Variants in CAP2 observed in about 807,000 individuals in gnomAD.
CAP2 encodes adenylyl cyclase-associated protein 2.
Under a neutral mutation model 57.7 loss-of-function variants are expected in CAP2, and 24 were observed. The ratio of observed to expected loss-of-function variants is 0.42; its 90% CI spans 0.30 to 0.58. The LOEUF (loss-of-function observed/expected upper bound fraction) is 0.58, where lower values mean the gene tolerates loss of function less well. Ranked by LOEUF, CAP2 falls within the 20% of genes least tolerant of loss-of-function variation. The pLI, the probability that CAP2 is intolerant of heterozygous loss-of-function variation, is 0.22. For missense variants in CAP2, 501 were observed against 590.3 expected (o/e 0.85, Z 1.57); for synonymous variants, 194 against 207.2 (o/e 0.94, Z 0.55).
chr6:17,397,923 G>GA (rs1758712597), intron 1 of CAP2, among the ~76,000 whole-genome samples: 2 of 147,900 alleles, frequency 1.4e-5, no homozygotes, highest in African/African-American at 5.0e-5. Flanking sequence ...TATTTTAATG[G>GA]GAAAAAAAAA....
chr6:17,536,451 C>A (rs1348681240), intron 7 of CAP2: 1 of 322,864 alleles, frequency 3.1e-6, no homozygotes, highest in Non-Finnish European at 6.1e-6. Flanking sequence ...AGGATTAGAC[C>A]AAGATGGAGT....
At chr6:17,493,860 G>T (rs376582067) in intron 4 of CAP2, among the ~76,000 whole-genome samples, 1 of 151,850 alleles carries the variant, frequency 6.6e-6, no homozygotes, top group East Asian at 1.9e-4. Context: ...CTGGTTGAGG[G>T]CAGCCGAAAC....
chr6:17,462,877 G>C (rs1760762659), intron 3 of CAP2, 119 bp from the exon 4 acceptor site: 3 of 721,122 alleles, frequency 4.2e-6, no homozygotes, highest in Non-Finnish European at 7.3e-6. Context: ...ACAAGTTTTT[G>C]TGTGAAGATA....
chr6:17,470,203 T>C (rs1018164966), intron 4 of CAP2, among the ~76,000 whole-genome samples: 1 of 152,226 alleles, frequency 6.6e-6, no homozygotes, highest in Non-Finnish European at 1.5e-5. Context: ...GAGAATTAAC[T>C]TGGTAATCCA....
intron 11 of CAP2, among the ~76,000 whole-genome samples, chr6:17,543,538 G>A (rs531395061): frequency 3.4e-4 from 51 of 150,762 alleles, no homozygotes; most frequent in Admixed American, 1.3e-3. Flanking sequence ...GGAGAATGGC[G>A]TGAACCCAGG....
At chr6:17,511,086 G>A (rs1445789202) in intron 6 of CAP2, among the ~76,000 whole-genome samples, 1 of 152,200 alleles carries the variant, frequency 6.6e-6, no homozygotes, top group Non-Finnish European at 1.5e-5. Flanking sequence ...AGATGACTCA[G>A]TTAAGCTCAG....
At chr6:17,395,049 G>A (rs1758634168) in intron 1 of CAP2, among the ~76,000 whole-genome samples, 1 of 152,174 alleles carries the variant, frequency 6.6e-6, no homozygotes, top group African/African-American at 2.4e-5. Flanking sequence ...CAATCAAAGT[G>A]TCATATAAAT....
chr6:17,557,265 G>A lies in CAP2; in HGVS notation c.*823G>A, dbSNP rs1284993231. 1 of 152,044 alleles carries A rather than the reference G, an allele frequency of 6.6e-6. No individual in the cohort carries two copies. The highest frequency in any genetic ancestry group is 1.9e-4 in the East Asian group (1 of 5,194). The allele number at this position is 152,044 out of a possible 1,614,324, so 9.4% of individuals were successfully genotyped here. On this transcript the variant is annotated 3_prime_UTR_variant, in exon 13 of 13. Coordinates refer to ENST00000229922, the MANE Select transcript of CAP2 (RefSeq NM_006366.3). ...GAACATGTTAAATATCAGATGCCTT[G>A]TAAATTATGTCTTTAACGTTTTCTT...
At chr6:17,453,919 T>TTTCCTTGCC (rs1561789295) in intron 3 of CAP2, among the ~76,000 whole-genome samples, 1 of 124,956 alleles carries the variant, frequency 8.0e-6, no homozygotes, top group African/African-American at 2.8e-5. Flanking sequence ...TTTTTTTTTT[T>TTTCCTTGCC]CCTTGCCCAG....
At position 17,474,151 on chromosome 6, in the gene CAP2, T is replaced by A. The variant is rs192467536; in HGVS notation, c.300+11078T>A. 2.0e-3 allele frequency among the ~76,000 whole-genome samples: 298 copies of A among 151,328 alleles called. 1 individual carries two copies. Among genetic ancestry groups the A allele is most frequent in the African/African-American group, 6.9e-3 (284 of 41,220 alleles). On this transcript the variant is annotated intron_variant, in intron 4 of 12. Coordinates refer to ENST00000229922, the MANE Select transcript of CAP2 (RefSeq NM_006366.3). ...CTGTTTATTTAAGAGGAAAGACATT[T>A]TTCAAACTAATCAAGACAGAGGAAA...
intron 4 of CAP2, among the ~76,000 whole-genome samples, chr6:17,495,290 A>G (rs890480558): frequency 1.3e-5 from 2 of 152,222 alleles, no homozygotes; most frequent in African/African-American, 2.4e-5. Flanking sequence ...AAAAGTCACC[A>G]GTATATATTT....
intron 4 of CAP2, among the ~76,000 whole-genome samples, chr6:17,491,597 G>A (rs189220609): frequency 6.6e-5 from 10 of 152,284 alleles, no homozygotes; most frequent in South Asian, 4.2e-4. Flanking sequence ...TAGTGTGAAC[G>A]ATACGGTTTA....
intron 2 of CAP2, among the ~76,000 whole-genome samples, chr6:17,425,073 T>G (rs577769274): frequency 5.9e-5 from 9 of 152,208 alleles, no homozygotes; most frequent in African/African-American, 2.2e-4. Flanking sequence ...CTGCAGAGAG[T>G]GTAAATAACT....
chr6:17,460,557 G>A (rs1224220217), intron 3 of CAP2, among the ~76,000 whole-genome samples: 1 of 152,160 alleles, frequency 6.6e-6, no homozygotes, highest in Non-Finnish European at 1.5e-5. Flanking sequence ...CCAGCAAGAA[G>A]TCAGTCAATA....
intron 12 of CAP2, among the ~76,000 whole-genome samples, chr6:17,555,002 A>G (rs1300725318): frequency 6.6e-6 from 1 of 152,202 alleles, no homozygotes; most frequent in African/African-American, 2.4e-5. Context: ...CAACGTGTAT[A>G]TAACCCTAGG....
At chr6:17,512,318 C>T (rs991313395) in intron 6 of CAP2, among the ~76,000 whole-genome samples, 21 of 151,760 alleles carry the variant, frequency 1.4e-4, no homozygotes, top group Admixed American at 1.1e-3. Flanking sequence ...ATCACTTGAG[C>T]CCAGGAGGTT....
chr6:17,501,640 G>A (rs1285225037), intron 4 of CAP2, among the ~76,000 whole-genome samples: 1 of 152,158 alleles, frequency 6.6e-6, no homozygotes, highest in Non-Finnish European at 1.5e-5. Context: ...GCCTGAGTGG[G>A]AATCTGGTTT....
chr6:17,410,472 C>A (rs562525710), intron 1 of CAP2, among the ~76,000 whole-genome samples: 11 of 152,222 alleles, frequency 7.2e-5, no homozygotes, highest in African/African-American at 2.6e-4. Context: ...ACAACTAGTT[C>A]CAGGAGTGGG....
intron 4 of CAP2, among the ~76,000 whole-genome samples, chr6:17,498,658 G>A (rs1255566288): frequency 2.6e-5 from 4 of 151,944 alleles, no homozygotes; most frequent in African/African-American, 9.7e-5. Flanking sequence ...ATTATAAATG[G>A]GAGCCTGTCA....
Sources: gnomAD v4.1 joint callset for allele counts (sites outside exome capture counted in the v4.1 genomes callset) on GRCh38, gnomAD v4.1.1 for gene constraint, MANE v1.5 for transcripts, NCBI Gene and HGNC (gene_info 2026-07-23, HGNC 2026-07-21) for gene names.